The following LY96 variants were observed in gnomAD, a reference collection of about 807,000 sequenced individuals.
The protein encoded by LY96 is myeloid differentiation protein-2.
A neutral mutation model predicts 18.9 loss-of-function variants in LY96; 18 were observed. The ratio of observed to expected loss-of-function variants is 0.95; its 90% confidence interval spans 0.66 to 1.41. The LOEUF is 1.41. Ranked by LOEUF, LY96 falls within the 40% of genes most tolerant of loss-of-function variation. LY96 has a pLI of 0.00. For missense variants in LY96, 175 were observed against 182.4 expected, an observed-to-expected ratio of 0.96 and a Z score of 0.23; for synonymous variants, 66 against 62.6, an observed-to-expected ratio of 1.06 and a Z score of -0.26.
downstream of LY96, among the ~76,000 whole-genome samples, chr8:74,033,255 G>C (rs1212551228): frequency 1.3e-5 from 2 of 152,108 alleles, no homozygotes; most frequent in African/African-American, 2.4e-5. Context: ...TAATTTTTTG[G>C]ATGGTTATTA....
At chr8:74,075,926 T>A in the LY96 span, among the ~76,000 whole-genome samples, 1 of 152,146 alleles carries the variant, frequency 6.6e-6, no homozygotes, top group Non-Finnish European at 1.5e-5. Flanking sequence ...GCAGTGCCTA[T>A]AAAGGGAAGG....
chr8:74,004,933 A>C (rs1329528990), intron 2 of LY96, 48 bp downstream of exon 2: 3 of 1,536,784 alleles, frequency 2.0e-6, no homozygotes, highest in Non-Finnish European at 2.7e-6. Context: ...GAGTTAAGAA[A>C]TATCAGTGAT....
the LY96 span, among the ~76,000 whole-genome samples, chr8:74,081,142 C>CTTCT: frequency 5.3e-3 from 657 of 123,786 alleles, 4 homozygotes; most frequent in Non-Finnish European, 7.6e-3. Flanking sequence ...TCCTTCCTTC[C>CTTCT]TTCTTTCTTT....
the LY96 span, among the ~76,000 whole-genome samples, chr8:74,049,322 C>A: frequency 6.6e-6 from 1 of 152,286 alleles, no homozygotes; most frequent in South Asian, 2.1e-4. Context: ...GATTGCCTAG[C>A]AATGTATTCA....
intron 4 of LY96, 105 bp downstream of exon 4, chr8:74,026,946 T>C (rs1816884247): frequency 6.1e-6 from 4 of 655,974 alleles, no homozygotes; most frequent in East Asian, 2.8e-5. Context: ...CTTTCTTTTT[T>C]TTTTTTAAAT....
the LY96 span, among the ~76,000 whole-genome samples, chr8:74,054,737 C>T: frequency 3.4e-5 from 5 of 147,234 alleles, no homozygotes; most frequent in African/African-American, 1.3e-4. Context: ...GATCATGGCT[C>T]ACCACAGCCT....
chr8:74,028,826 C>A, intron 4 of LY96, 130 bp from the exon 5 acceptor site: 1 of 550,168 alleles, frequency 1.8e-6, no homozygotes, highest in Non-Finnish European at 3.2e-6. Flanking sequence ...AAAATTTCGT[C>A]TCATTGGAAA....
rs763491965 is a variant in LY96, at chr8:74,004,897, T to C, written c.202+12T>C. The C allele has an allele frequency of 5.0e-6, 8 of 1,588,576 alleles. No individual in the cohort carries two copies. Among genetic ancestry groups the C allele is most frequent in the South Asian group, 1.1e-5 (1 of 90,654 alleles). On this transcript the variant is annotated intron_variant, in intron 2 of 4. Coordinates refer to ENST00000284818, the MANE Select transcript of LY96 (RefSeq NM_015364.5). ...TTTCTACATTCCAAGTAAGTTCAAA[T>C]TTTTGCTTTTATAGACCAATCAAAG...
chr8:74,072,909 T>C, the LY96 span, among the ~76,000 whole-genome samples: 2 of 152,312 alleles, frequency 1.3e-5, no homozygotes, highest in East Asian at 3.9e-4. Flanking sequence ...GCAGAACTGC[T>C]AGCAGATATA....
At chr8:74,051,165 A>G in the LY96 span, among the ~76,000 whole-genome samples, 4 of 152,204 alleles carry the variant, frequency 2.6e-5, no homozygotes, top group Admixed American at 6.5e-5. Context: ...TAATTCTCAG[A>G]GCCAAGAGAG....
Position 74,004,830 on chromosome 8 carries a change from C to T in LY96, c.147C>T (p.Asn49=), listed in dbSNP as rs374081985. ...KMQYPISINV[N]PCIELKRSKG... ...AATACCCAATTTCAATTAATGTTAA[C>T]CCCTGTATAGAATTGAAAAGATCCA... Residue 49 remains asparagine (N), a synonymous_variant, in exon 2 of 5, where the codon AAC becomes AAT. Transcript: ENST00000284818. 9 of 1,583,062 alleles carry T rather than the reference C, an allele frequency of 5.7e-6. No homozygotes were observed. In the African/African-American group the frequency reaches 8.1e-5, roughly 14 times the overall value.
intron 1 of LY96, among the ~76,000 whole-genome samples, chr8:74,002,758 G>T (rs1030978124): frequency 6.6e-6 from 1 of 151,606 alleles, no homozygotes. Context: ...TTTTTTCATA[G>T]AGGTGGGGTT....
intron 2 of LY96, among the ~76,000 whole-genome samples, chr8:74,009,682 A>G (rs907764641): frequency 1.3e-5 from 2 of 152,186 alleles, no homozygotes; most frequent in African/African-American, 4.8e-5. Context: ...TAGCAGAACC[A>G]TAGAACTAGA....
chr8:74,079,146 G>A, the LY96 span, among the ~76,000 whole-genome samples: 34 of 152,272 alleles, frequency 2.2e-4, no homozygotes, highest in African/African-American at 6.5e-4. Flanking sequence ...ACAGAAAGGC[G>A]GAGGAAAGGT....
At chr8:74,003,263 C>T (rs928419314) in intron 1 of LY96, among the ~76,000 whole-genome samples, 4 of 152,180 alleles carry the variant, frequency 2.6e-5, no homozygotes, top group Admixed American at 2.0e-4. Flanking sequence ...CACTCAGACC[C>T]AGCAGACTTA....
chr8:74,069,228 T>A, the LY96 span, among the ~76,000 whole-genome samples: 1 of 152,238 alleles, frequency 6.6e-6, no homozygotes, highest in Non-Finnish European at 1.5e-5. Context: ...TGAAGTTTAA[T>A]CTATTTTTAA....
chr8:74,048,789 G>A, the LY96 span: 1 of 145,540 alleles, frequency 6.9e-6, no homozygotes, highest in Non-Finnish European at 1.5e-5. Flanking sequence ...ATGAAGGAAG[G>A]AAGGAAGGAG....
At chr8:74,087,112 A>G in the LY96 span, among the ~76,000 whole-genome samples, 1 of 152,224 alleles carries the variant, frequency 6.6e-6, no homozygotes, top group Non-Finnish European at 1.5e-5. Context: ...TTGGGTGGCA[A>G]TAGCTCCTGA....
At chr8:74,090,140 T>C in the LY96 span, among the ~76,000 whole-genome samples, 1 of 152,192 alleles carries the variant, frequency 6.6e-6, no homozygotes, top group Non-Finnish European at 1.5e-5. Context: ...TGTGGAGGCA[T>C]AGAGTGAAAG....
Sources: allele counts gnomAD v4.1 joint callset (sites outside exome capture counted in the v4.1 genomes callset), GRCh38; gene constraint gnomAD v4.1.1; transcripts MANE v1.5; gene names NCBI Gene and HGNC (gene_info 2026-07-23, HGNC 2026-07-21).